Variants in AUTS2 observed in about 807,000 individuals in gnomAD.
AUTS2 encodes activator of transcription and developmental regulator AUTS2, also known as autism susceptibility gene 2 protein.
Under a neutral mutation model 112.4 loss-of-function variants are expected in AUTS2, and 17 were observed. The ratio of observed to expected loss-of-function variants is 0.15; its 90% CI spans 0.10 to 0.23. AUTS2 has a LOEUF of 0.23. Among genes scored for constraint, AUTS2 ranks in the 10% least tolerant of loss-of-function variants. The pLI is 1.00. For synonymous variants in AUTS2, 751 were observed against 702.7 expected (o/e 1.07, Z -1.09); for missense variants, 1,510 against 1,701.6 (o/e 0.89, Z 1.98).
chr7:70,454,463 G>A (rs989834836), intron 5 of AUTS2, among the ~76,000 whole-genome samples: 3 of 152,126 alleles, frequency 2.0e-5, no homozygotes, highest in Non-Finnish European at 2.9e-5. Flanking sequence ...CTTGAACCCA[G>A]GAGGCAGAGG....
At chr7:70,081,965 T>TGTGTGTGTGTGTGCGC (rs1018968486) in intron 2 of AUTS2, among the ~76,000 whole-genome samples, 1 of 128,016 alleles carries the variant, frequency 7.8e-6, no homozygotes, top group African/African-American at 2.8e-5. Flanking sequence ...TGTGTGTGTG[T>TGTGTGTGTGTGTGCGC]GCGCGCGCCT....
At chr7:70,029,564 T>A (rs1800682058) in intron 2 of AUTS2, among the ~76,000 whole-genome samples, 1 of 152,198 alleles carries the variant, frequency 6.6e-6, no homozygotes, top group Non-Finnish European at 1.5e-5. Flanking sequence ...CCCATGAATG[T>A]TCGTGTTCTG....
intron 5 of AUTS2, among the ~76,000 whole-genome samples, chr7:70,640,417 G>A (rs1283251129): frequency 1.0e-5 from 1 of 96,154 alleles, no homozygotes; most frequent in Admixed American, 1.0e-4. Context: ...TAAACTCACA[G>A]GGGGAAAAAA....
chr7:70,210,499 C>A (rs565789472), intron 4 of AUTS2, among the ~76,000 whole-genome samples: 2 of 152,284 alleles, frequency 1.3e-5, no homozygotes, highest in South Asian at 4.2e-4. Context: ...CCAGTGGATT[C>A]CATATGACAT....
At chr7:69,672,236 T>G (rs936199505) in intron 1 of AUTS2, among the ~76,000 whole-genome samples, 2 of 151,998 alleles carry the variant, frequency 1.3e-5, no homozygotes, top group African/African-American at 4.8e-5. Flanking sequence ...ATTTTGTATT[T>G]TTAGTAGAGA....
intron 1 of AUTS2, among the ~76,000 whole-genome samples, chr7:69,648,073 G>T (rs1415846209): frequency 6.6e-6 from 1 of 152,098 alleles, no homozygotes; most frequent in Non-Finnish European, 1.5e-5. Context: ...CATACTGAGG[G>T]TTAGGGCTTT....
At chr7:70,366,970 G>A (rs2129629125) in intron 4 of AUTS2, among the ~76,000 whole-genome samples, 1 of 152,262 alleles carries the variant, frequency 6.6e-6, no homozygotes, top group South Asian at 2.1e-4. Flanking sequence ...GGGTCCTGAA[G>A]ATAAAGGTTA....
At chr7:70,107,353 T>C (rs2129570658) in intron 2 of AUTS2, among the ~76,000 whole-genome samples, 1 of 147,382 alleles carries the variant, frequency 6.8e-6, no homozygotes, top group South Asian at 2.3e-4. Flanking sequence ...TTTTTTTTTT[T>C]TTTTTCTTTG....
intron 6 of AUTS2, among the ~76,000 whole-genome samples, chr7:70,721,994 C>T (rs1786709966): frequency 6.6e-6 from 1 of 151,920 alleles, no homozygotes; most frequent in South Asian, 2.1e-4. Context: ...TTGAACTTTC[C>T]TTGCTTGTTT....
chr7:70,018,710 G>C (rs1024526672), intron 2 of AUTS2, among the ~76,000 whole-genome samples: 2 of 152,176 alleles, frequency 1.3e-5, no homozygotes, highest in Non-Finnish European at 2.9e-5. Context: ...GCCGTGGTGA[G>C]TTGCTTATAG....
At chr7:70,538,660 T>C (rs1363817111) in intron 5 of AUTS2, among the ~76,000 whole-genome samples, 1 of 152,238 alleles carries the variant, frequency 6.6e-6, no homozygotes, top group Non-Finnish European at 1.5e-5. Flanking sequence ...TTTGTACCTG[T>C]CTATTAAGAG....
At chr7:69,760,184 A>C (rs575003337) in intron 1 of AUTS2, among the ~76,000 whole-genome samples, 1 of 149,724 alleles carries the variant, frequency 6.7e-6, no homozygotes, top group South Asian at 2.1e-4. Flanking sequence ...TAAAAAAAAA[A>C]AGTTCTTTTT....
intron 4 of AUTS2, among the ~76,000 whole-genome samples, chr7:70,187,775 C>CTTTTTTTTTTT (rs71077627): frequency 1.8e-5 from 2 of 110,316 alleles, no homozygotes; most frequent in Admixed American, 1.0e-4. Flanking sequence ...AACTAGTCTT[C>CTTTTTTTTTTT]TTTTTTTTTT....
intron 2 of AUTS2, among the ~76,000 whole-genome samples, chr7:69,971,521 A>G (rs1365728048): frequency 6.6e-6 from 1 of 152,182 alleles, no homozygotes; most frequent in Non-Finnish European, 1.5e-5. Flanking sequence ...CACAACAAGG[A>G]TATTGACATC....
chr7:69,880,057 G>C (rs1450503717), intron 1 of AUTS2, among the ~76,000 whole-genome samples: 1 of 152,200 alleles, frequency 6.6e-6, no homozygotes, highest in Non-Finnish European at 1.5e-5. Context: ...TTGTCTCATG[G>C]TTCTGCAGGC....
At chr7:69,909,540 G>A (rs1795273450) in intron 2 of AUTS2, among the ~76,000 whole-genome samples, 1 of 152,176 alleles carries the variant, frequency 6.6e-6, no homozygotes, top group Non-Finnish European at 1.5e-5. Flanking sequence ...TGGGGGTCAA[G>A]TGTGAAAGAA....
intron 4 of AUTS2, among the ~76,000 whole-genome samples, chr7:70,344,432 C>T (rs987242949): frequency 5.3e-5 from 8 of 152,130 alleles, no homozygotes; most frequent in African/African-American, 1.9e-4. Flanking sequence ...GAAGGTCATG[C>T]CCAGTTCAAA....
chr7:70,290,991 T>A (rs1225582231), intron 4 of AUTS2: 1 of 152,702 alleles, frequency 6.5e-6, no homozygotes, highest in African/African-American at 2.4e-5. Context: ...GGTATATTTG[T>A]TCTGTAAAAC....
Position 69,901,989 on chromosome 7 carries a change from G to A in AUTS2, c.522+2491G>A, listed in dbSNP as rs117887926. Among the ~76,000 whole-genome samples the A allele has an allele frequency of 8.2e-3, 1,254 of 152,274 alleles. 8 individuals are homozygous for A. Among genetic ancestry groups the A allele is most frequent in the Non-Finnish European group, 0.013 (894 of 68,004 alleles). ...TACAGTGTTGTAAAGGTCTGTAAAG[G>A]AGTCTGTAGGTCTGAAGGTAATGCC... is the stretch of plus-strand genomic sequence containing the variant. On this transcript the variant is annotated intron_variant, in intron 2 of 18. Transcript: ENST00000342771.
Sources: allele counts gnomAD v4.1 joint callset (sites outside exome capture counted in the v4.1 genomes callset), GRCh38; gene constraint gnomAD v4.1.1; transcripts MANE v1.5; gene names NCBI Gene and HGNC (gene_info 2026-07-23, HGNC 2026-07-21).